Variants in GFOD1 observed in about 807,000 individuals in gnomAD.
GFOD1 encodes the protein glucose-fructose oxidoreductase domain-containing protein 1.
GFOD1 carries 9 observed loss-of-function variants against 25.4 expected under a neutral mutation model. The observed-to-expected ratio is 0.35, with a 90% CI of 0.21 to 0.62. GFOD1 has a LOEUF of 0.62. Ranked by LOEUF, GFOD1 falls within the 20% of genes least tolerant of loss-of-function variation. The pLI, the probability that GFOD1 is intolerant of heterozygous loss-of-function variation, is 0.72. For missense variants in GFOD1, 403 were observed against 556.9 expected, an observed-to-expected ratio of 0.72 and a Z score of 2.78; for synonymous variants, 253 against 245.6, an observed-to-expected ratio of 1.03 and a Z score of -0.28.
intron 1 of GFOD1, among the ~76,000 whole-genome samples, chr6:13,416,270 A>T (rs1273064970): frequency 6.6e-6 from 1 of 152,226 alleles, no homozygotes; most frequent in Non-Finnish European, 1.5e-5. Context: ...TTCCTTTATA[A>T]ATTGTCCAGT....
At chr6:13,478,734 T>C (rs369503357) in intron 1 of GFOD1, among the ~76,000 whole-genome samples, 1 of 152,280 alleles carries the variant, frequency 6.6e-6, no homozygotes, top group East Asian at 1.9e-4. Context: ...TGGACAATCT[T>C]TCACCCACCA....
chr6:13,410,754 C>T (rs1211495184), intron 1 of GFOD1, among the ~76,000 whole-genome samples: 1 of 151,842 alleles, frequency 6.6e-6, no homozygotes, highest in African/African-American at 2.4e-5. Context: ...TCATGGGATC[C>T]CAGGACAGAC....
At chr6:13,432,213 A>G (rs1027976131) in intron 1 of GFOD1, among the ~76,000 whole-genome samples, 1 of 151,744 alleles carries the variant, frequency 6.6e-6, no homozygotes, top group African/African-American at 2.4e-5. Context: ...TGGTTAAGTA[A>G]TATTCTTTTC....
intron 1 of GFOD1, among the ~76,000 whole-genome samples, chr6:13,453,563 A>C (rs1328193865): frequency 6.6e-6 from 1 of 152,206 alleles, no homozygotes; most frequent in African/African-American, 2.4e-5. Flanking sequence ...ATTCCTTTCA[A>C]TTCACCCTTT....
intron 1 of GFOD1, among the ~76,000 whole-genome samples, chr6:13,443,371 G>C (rs1445823533): frequency 6.6e-6 from 1 of 152,226 alleles, no homozygotes; most frequent in Non-Finnish European, 1.5e-5. Flanking sequence ...AGTTGATAAA[G>C]GCGCAGCAGG....
At chr6:13,423,182 G>A (rs1786290201) in intron 1 of GFOD1, among the ~76,000 whole-genome samples, 1 of 151,836 alleles carries the variant, frequency 6.6e-6, no homozygotes, top group African/African-American at 2.4e-5. Flanking sequence ...ACCCCAGACA[G>A]TGTTAGATTT....
At chr6:13,420,401 T>C (rs1786235897) in intron 1 of GFOD1, among the ~76,000 whole-genome samples, 1 of 152,112 alleles carries the variant, frequency 6.6e-6, no homozygotes, top group Admixed American at 6.5e-5. Context: ...GTAGTCCAAT[T>C]CTTGGGCATC....
At chr6:13,385,830 A>G (rs1785462617) in intron 1 of GFOD1, among the ~76,000 whole-genome samples, 1 of 152,234 alleles carries the variant, frequency 6.6e-6, no homozygotes, top group Non-Finnish European at 1.5e-5. Context: ...CTTATAGAGT[A>G]CATTAAATCC....
chr6:13,487,039 T>C lies in GFOD1; in HGVS notation c.-149A>G. 1 of 948,442 alleles carries C rather than the reference T, an allele frequency of 1.1e-6. No homozygotes were observed. Among genetic ancestry groups the C allele is most frequent in the Non-Finnish European group, 1.5e-6 (1 of 653,262 alleles). 58.8% of individuals were successfully genotyped at this position (948,442 alleles called of 1,614,324 possible). A position where few individuals can be genotyped will look rare whatever the true frequency, so the allele number is the denominator to read the frequency against. Reference sequence around the variant, plus strand: ...CCGTGCACCGGGCAAGGCGCCCGGGTGCCCAGAGCGCACCGAGCTGCAGGC... The same window carrying C: ...CCGTGCACCGGGCAAGGCGCCCGGGCGCCCAGAGCGCACCGAGCTGCAGGC... On this transcript the variant is annotated 5_prime_UTR_variant, in exon 1 of 2. Transcript: ENST00000379287. The surrounding 1 kb of genome is among the most constrained non-coding windows in gnomAD (Gnocchi z 4.9).
At chr6:13,376,791 C>A (rs1785265238) in intron 1 of GFOD1, among the ~76,000 whole-genome samples, 1 of 152,206 alleles carries the variant, frequency 6.6e-6, no homozygotes, top group South Asian at 2.1e-4. Flanking sequence ...GGCTGGGAAC[C>A]TCCTATCATC....
intron 1 of GFOD1, among the ~76,000 whole-genome samples, chr6:13,403,711 T>C (rs1485699132): frequency 2.0e-5 from 3 of 152,222 alleles, no homozygotes; most frequent in East Asian, 1.9e-4. Context: ...GAAGTGCTGA[T>C]ATATGCTGCA....
intron 1 of GFOD1, among the ~76,000 whole-genome samples, chr6:13,429,836 T>C (rs1399944507): frequency 6.6e-6 from 1 of 152,222 alleles, no homozygotes; most frequent in Non-Finnish European, 1.5e-5. Flanking sequence ...ATGTAATATA[T>C]ACATTATTAT....
chr6:13,487,106 G>A lies in GFOD1; in HGVS notation c.-216C>T. 1.3e-5 allele frequency: 7 copies of A among 525,050 alleles called. No individual in the cohort carries two copies. The South Asian group carries it at 2.1e-4, about 16-fold the overall frequency. The allele number at this position is 525,050 out of a possible 1,614,324, so 32.5% of individuals were successfully genotyped here. On this transcript the variant is annotated 5_prime_UTR_variant, in exon 1 of 2. Coordinates refer to ENST00000379287, the MANE Select transcript of GFOD1 (RefSeq NM_018988.4). This position sits in a 1 kb window ranked among gnomAD's most constrained non-coding sequence, Gnocchi z 4.9. ...GCCTCAGAACGGTGACTGCGGCAGT[G>A]TCCGCCACGCGGGGCTCGCGTCCTT...
chr6:13,406,651 C>T (rs1383182459), intron 1 of GFOD1, among the ~76,000 whole-genome samples: 1 of 152,106 alleles, frequency 6.6e-6, no homozygotes, highest in Non-Finnish European at 1.5e-5. Flanking sequence ...CTCATCAAAC[C>T]TCAACTTCTA....
At chr6:13,442,916 T>C (rs1757939594) in intron 1 of GFOD1, among the ~76,000 whole-genome samples, 1 of 152,218 alleles carries the variant, frequency 6.6e-6, no homozygotes, top group Non-Finnish European at 1.5e-5. Flanking sequence ...TTAAGAAATA[T>C]ACTTTGTAAA....
rs1168913236 is a variant in GFOD1 at position 13,364,632 on chromosome 6, C to T, written c.*111G>A. 2 of 911,598 alleles carry T rather than the reference C, an allele frequency of 2.2e-6. No homozygotes were observed. Among genetic ancestry groups the T allele is most frequent in the African/African-American group, 1.7e-5 (1 of 60,348 alleles). The allele number at this position is 911,598 out of a possible 1,614,324, so 56.5% of individuals were successfully genotyped here. On this transcript the variant is annotated 3_prime_UTR_variant, in exon 2 of 2. Transcript: ENST00000379287. This position sits in a 1 kb window ranked among gnomAD's most constrained non-coding sequence, Gnocchi z 4.1. ...TAGATGCCATTTATTCACACTGTCC[C>T]TCCACCTCCCTGATCCCCACATTCC...
intron 1 of GFOD1, among the ~76,000 whole-genome samples, chr6:13,456,804 A>G (rs1758198166): frequency 6.6e-6 from 1 of 152,196 alleles, no homozygotes; most frequent in African/African-American, 2.4e-5. Flanking sequence ...CCTCCTGGGA[A>G]TGAAAACCTT....
At chr6:13,419,082 TGGA>T (rs1406873593) in intron 1 of GFOD1, among the ~76,000 whole-genome samples, 1 of 152,186 alleles carries the variant, frequency 6.6e-6, no homozygotes, top group African/African-American at 2.4e-5. Flanking sequence ...AGGCTTGGCA[TGGA>T]GGAGAAGAAG....
At position 13,362,344 on chromosome 6, in the gene GFOD1, C is replaced by T. The variant is rs897352845; in HGVS notation, c.*2399G>A. ...GGCTGTGGTGGCAGCCACCCGTAGT[C>T]CCTGCTGCTCGGGAGGCTGAGACAG... is the stretch of plus-strand genomic sequence containing the variant. On this transcript the variant is annotated 3_prime_UTR_variant, in exon 2 of 2. Transcript: ENST00000379287. The T allele has an allele frequency of 4.6e-5, 7 of 152,222 alleles. No individual in the cohort carries two copies. Among genetic ancestry groups the T allele is most frequent in the Non-Finnish European group, 8.8e-5 (6 of 68,224 alleles). 9.4% of individuals were successfully genotyped at this position (152,222 alleles called of 1,614,324 possible). A position where few individuals can be genotyped will look rare whatever the true frequency, so the allele number is the denominator to read the frequency against.
Sources: gnomAD v4.1 joint callset for allele counts (sites outside exome capture counted in the v4.1 genomes callset) on GRCh38, gnomAD v4.1.1 for gene constraint, Gnocchi (gnomAD v3.1) non-coding constraint, MANE v1.5 for transcripts, NCBI Gene and HGNC (gene_info 2026-07-23, HGNC 2026-07-21) for gene names.